MYRIP: variants seen among roughly 807,000 people sequenced by gnomAD.
MYRIP encodes the protein rab effector MyRIP.
Under a neutral mutation model 98.0 loss-of-function variants are expected in MYRIP, and 49 were observed. The ratio of observed to expected loss-of-function variants is 0.50; its 90% CI spans 0.40 to 0.63. The LOEUF is 0.63. Ranked by LOEUF, MYRIP falls within the 30% of genes least tolerant of loss-of-function variation. MYRIP has a pLI of 0.00. For synonymous variants in MYRIP, 404 were observed against 409.5 expected (o/e 0.99, Z 0.16); for missense variants, 1,004 against 1,058.2 (o/e 0.95, Z 0.71).
At chr3:40,213,696 C>T (rs1952032536) in intron 11 of MYRIP, among the ~76,000 whole-genome samples, 1 of 151,960 alleles carries the variant, frequency 6.6e-6, no homozygotes, top group Non-Finnish European at 1.5e-5. Flanking sequence ...CGCCACTGCG[C>T]CACCCTTGTT....
At chr3:39,950,880 A>G (rs1944996566) in intron 2 of MYRIP, among the ~76,000 whole-genome samples, 1 of 152,228 alleles carries the variant, frequency 6.6e-6, no homozygotes, top group Admixed American at 6.6e-5. Context: ...AAGTGAGAGC[A>G]GTGGAATCAT....
intron 2 of MYRIP, among the ~76,000 whole-genome samples, chr3:39,936,757 G>A (rs1418650498): frequency 3.3e-5 from 5 of 152,072 alleles, no homozygotes; most frequent in Admixed American, 6.6e-5. Flanking sequence ...ATTCCTCCCA[G>A]GGCTCTAATT....
chr3:40,172,793 T>C (rs1354208393), intron 8 of MYRIP, among the ~76,000 whole-genome samples: 1 of 152,178 alleles, frequency 6.6e-6, no homozygotes. Context: ...CACAGCCAGA[T>C]GGCATCAGCT....
chr3:40,132,133 T>C (rs1170426864), intron 3 of MYRIP, among the ~76,000 whole-genome samples: 2 of 152,046 alleles, frequency 1.3e-5, no homozygotes, highest in African/African-American at 4.8e-5. Flanking sequence ...GAGCTGGGAA[T>C]TAGGGAAGAC....
intron 1 of MYRIP, among the ~76,000 whole-genome samples, chr3:39,811,866 A>G (rs1940706671): frequency 6.6e-6 from 1 of 152,098 alleles, no homozygotes; most frequent in Non-Finnish European, 1.5e-5. Context: ...TCAGTCATTT[A>G]AACTAGCGGT....
intron 2 of MYRIP, among the ~76,000 whole-genome samples, chr3:39,931,792 A>C (rs182681610): frequency 3.9e-5 from 6 of 152,284 alleles, no homozygotes. Context: ...TTAGTCCATT[A>C]ATATAGCGTA....
intron 9 of MYRIP, 56 bp from the exon 10 acceptor site, chr3:40,189,770 C>A: frequency 1.3e-6 from 2 of 1,505,532 alleles, no homozygotes; most frequent in African/African-American, 1.4e-5. Flanking sequence ...GCAACTTCAT[C>A]TTGCATTAAA....
At chr3:40,116,617 C>G (rs1428770031) in intron 3 of MYRIP, among the ~76,000 whole-genome samples, 1 of 152,192 alleles carries the variant, frequency 6.6e-6, no homozygotes, top group Non-Finnish European at 1.5e-5. Flanking sequence ...CTCTTTGCAT[C>G]TTTGTCTCAG....
At chr3:39,813,874 A>G (rs566352139) in intron 1 of MYRIP, among the ~76,000 whole-genome samples, 1 of 151,978 alleles carries the variant, frequency 6.6e-6, no homozygotes, top group Admixed American at 6.6e-5. Context: ...TTAAAACAAC[A>G]TGTTATGGAC....
intron 3 of MYRIP, among the ~76,000 whole-genome samples, chr3:40,104,259 A>G (rs1293882632): frequency 6.6e-6 from 1 of 152,154 alleles, no homozygotes; most frequent in Non-Finnish European, 1.5e-5. Flanking sequence ...TATTTATTTT[A>G]TGGTTCCTAC....
chr3:39,946,363 A>G (rs947459160), intron 2 of MYRIP, among the ~76,000 whole-genome samples: 3 of 152,164 alleles, frequency 2.0e-5, no homozygotes, highest in Non-Finnish European at 2.9e-5. Context: ...TGGTGTATGC[A>G]TCTTACATAA....
chr3:40,102,914 C>A (rs566911846), intron 3 of MYRIP, among the ~76,000 whole-genome samples: 1 of 151,838 alleles, frequency 6.6e-6, no homozygotes, highest in Admixed American at 6.6e-5. Context: ...CAGTACTAAC[C>A]CCTTCTACGG....
chr3:39,958,592 G>A (rs991309083), intron 2 of MYRIP, among the ~76,000 whole-genome samples: 2 of 152,070 alleles, frequency 1.3e-5, no homozygotes, highest in African/African-American at 4.8e-5. Flanking sequence ...GAAAACCTAG[G>A]CAATACCATT....
intron 1 of MYRIP, among the ~76,000 whole-genome samples, chr3:39,844,750 T>C (rs1212269100): frequency 2.0e-5 from 3 of 152,112 alleles, no homozygotes; most frequent in Admixed American, 6.6e-5. Context: ...TAGAAGGGGG[T>C]GTGGCTCTGT....
chr3:40,229,650 G>C (rs1952593599), intron 11 of MYRIP, among the ~76,000 whole-genome samples: 1 of 152,212 alleles, frequency 6.6e-6, no homozygotes, highest in Admixed American at 6.5e-5. Context: ...GTGGCTCTGT[G>C]GTGGGCTTGC....
In MYRIP at chr3:39,836,477, A is replaced by G. The variant is rs542812897; in HGVS notation, c.-31+26561A>G. On this transcript the variant is annotated intron_variant, in intron 1 of 16. Transcript: ENST00000302541. ...TTGTAAATTTGTTTAAGTTCCTTGTAGATTTTTGATATTAGCCCTTGGTCA... is the reference window on the plus strand; with the variant it reads ...TTGTAAATTTGTTTAAGTTCCTTGTGGATTTTTGATATTAGCCCTTGGTCA... Among the ~76,000 whole-genome samples, 9 of 152,286 alleles carry G rather than the reference A, an allele frequency of 5.9e-5. No homozygotes were observed. The South Asian group carries it at 6.2e-4, about 11-fold the overall frequency.
At chr3:40,114,002 T>C (rs1000498445) in intron 3 of MYRIP, among the ~76,000 whole-genome samples, 1 of 152,216 alleles carries the variant, frequency 6.6e-6, no homozygotes, top group Non-Finnish European at 1.5e-5. Flanking sequence ...AATTTACTTT[T>C]ATAATCTTAG....
chr3:40,117,451 C>T (rs990205440), intron 3 of MYRIP, among the ~76,000 whole-genome samples: 10 of 152,230 alleles, frequency 6.6e-5, no homozygotes, highest in African/African-American at 2.2e-4. Context: ...TTGATCCCTT[C>T]TTTCCAGGTT....
intron 2 of MYRIP, among the ~76,000 whole-genome samples, chr3:40,029,267 C>T (rs1055601982): frequency 1.3e-5 from 2 of 152,166 alleles, no homozygotes; most frequent in Non-Finnish European, 2.9e-5. Context: ...TTCTGTCTCC[C>T]TGTTAACATT....
Sources: gnomAD v4.1 joint callset for allele counts (sites outside exome capture counted in the v4.1 genomes callset) on GRCh38, gnomAD v4.1.1 for gene constraint, MANE v1.5 for transcripts, NCBI Gene and HGNC (gene_info 2026-07-23, HGNC 2026-07-21) for gene names.